The following LRRC37A2 variants were observed in gnomAD, a reference collection of about 807,000 sequenced individuals.
The protein encoded by LRRC37A2 is leucine rich repeat containing 37 member A2.
Under a neutral mutation model 68.8 loss-of-function variants are expected in LRRC37A2, and 9 were observed. That is an observed-to-expected ratio of 0.13 (90% CI 0.08 to 0.23). The LOEUF (loss-of-function observed/expected upper bound fraction) is 0.23. Ranked by LOEUF, LRRC37A2 falls within the 10% of genes least tolerant of loss-of-function variation. The probability of loss-of-function intolerance (pLI) is 1.00; values close to 1 mark genes in which losing one functional copy is unlikely to be tolerated. For missense variants in LRRC37A2, 168 were observed against 950.4 expected, an observed-to-expected ratio of 0.18 and a Z score of 10.82; for synonymous variants, 63 against 367.6, an observed-to-expected ratio of 0.17 and a Z score of 9.48.
rs542986463 is a variant in LRRC37A2, at chr17:46,548,908, T to C, written c.3769T>C (p.Ser1257Pro). The C allele has an allele frequency of 2.2e-5, 35 of 1,612,688 alleles. 2 individuals are homozygous for C. In the East Asian group the frequency reaches 7.8e-4, roughly 36 times the overall value. ...GAAACCCTTCTCCAAGGGCGCGCCT[T>C]CTACCTCCAGCCCTGCAAAAGCCCT... The change falls in exon 10 of 15, where the codon TCT (serine) becomes CCT (proline). Residue 1257 changes from serine (S) to proline (P), a missense_variant. Coordinates refer to ENST00000576629, the Ensembl canonical transcript of LRRC37A2.
the LRRC37A2 span, among the ~76,000 whole-genome samples, chr17:46,779,338 C>T: frequency 6.6e-6 from 1 of 152,172 alleles, no homozygotes. Flanking sequence ...TAGAGACCTG[C>T]CTGGCACTGA....
chr17:46,721,960 C>T, the LRRC37A2 span: 1 of 1,603,946 alleles, frequency 6.2e-7, no homozygotes, highest in African/African-American at 1.3e-5. Flanking sequence ...GGAAAGATTT[C>T]AGTTGAGGAA....
the LRRC37A2 span, among the ~76,000 whole-genome samples, chr17:46,493,006 T>G: frequency 6.7e-6 from 1 of 149,096 alleles, no homozygotes; most frequent in African/African-American, 2.6e-5. Flanking sequence ...AAGTTTTTTT[T>G]TTTTTTTTTT....
At chr17:46,954,038 G>T in the LRRC37A2 span, among the ~76,000 whole-genome samples, 1 of 152,124 alleles carries the variant, frequency 6.6e-6, no homozygotes, top group African/African-American at 2.4e-5. Flanking sequence ...TCTTTAGTTT[G>T]ATTAGATCCC....
the LRRC37A2 span, among the ~76,000 whole-genome samples, chr17:46,710,530 T>C: frequency 1.3e-5 from 2 of 152,252 alleles, no homozygotes; most frequent in Admixed American, 1.3e-4. Context: ...TACCATTTCG[T>C]ATTCTCATGT....
the LRRC37A2 span, among the ~76,000 whole-genome samples, chr17:46,739,842 G>C: frequency 2.0e-5 from 3 of 151,878 alleles, no homozygotes; most frequent in Admixed American, 6.6e-5. Context: ...GGGACTACAG[G>C]CGCACACCAC....
the LRRC37A2 span, chr17:46,923,173 T>G: frequency 6.6e-7 from 1 of 1,510,626 alleles, no homozygotes; most frequent in Non-Finnish European, 9.0e-7. Context: ...GCCGGAGCCG[T>G]GGCCTGCGGG....
the LRRC37A2 span, among the ~76,000 whole-genome samples, chr17:46,732,658 ACAT>A: frequency 2.6e-5 from 4 of 152,184 alleles, no homozygotes; most frequent in African/African-American, 9.7e-5. Context: ...AGAGTGAAAA[ACAT>A]CATCACATTT....
the LRRC37A2 span, among the ~76,000 whole-genome samples, chr17:46,834,084 A>C: frequency 6.6e-6 from 1 of 152,070 alleles, no homozygotes; most frequent in Non-Finnish European, 1.5e-5. Flanking sequence ...AGTCTCAGCT[A>C]CTCGGGAGGC....
the LRRC37A2 span, among the ~76,000 whole-genome samples, chr17:46,496,704 C>T: frequency 3.0e-5 from 4 of 132,802 alleles, no homozygotes; most frequent in African/African-American, 1.2e-4. Flanking sequence ...CACCTGAGGT[C>T]GGGAGTTCGA....
chr17:46,635,818 T>TGTGTGTGTGTGTGC, the LRRC37A2 span, among the ~76,000 whole-genome samples: 8 of 138,406 alleles, frequency 5.8e-5, no homozygotes, highest in East Asian at 7.8e-4. Flanking sequence ...TGTGTGTGTG[T>TGTGTGTGTGTGTGC]GCTCGTGTGT....
chr17:46,809,056 G>A, the LRRC37A2 span, among the ~76,000 whole-genome samples: 1 of 152,170 alleles, frequency 6.6e-6, no homozygotes, highest in Non-Finnish European at 1.5e-5. Flanking sequence ...GAGAGGAGGT[G>A]GAAGTATTTC....
chr17:46,755,724 T>C, the LRRC37A2 span: 1 of 282,766 alleles, frequency 3.5e-6, no homozygotes, highest in African/African-American at 5.1e-5. Context: ...TTTTAGTGAT[T>C]TTTTTTTTTT....
the LRRC37A2 span, among the ~76,000 whole-genome samples, chr17:46,733,058 A>G: frequency 2.0e-5 from 3 of 152,312 alleles, no homozygotes; most frequent in South Asian, 2.1e-4. Flanking sequence ...TGGACGTACA[A>G]TTTGTCCAGT....
chr17:46,917,482 G>T, the LRRC37A2 span, among the ~76,000 whole-genome samples: 1 of 152,208 alleles, frequency 6.6e-6, no homozygotes, highest in African/African-American at 2.4e-5. Context: ...CATGCTGGGA[G>T]GCTGGTTCCC....
chr17:46,774,955 C>T, the LRRC37A2 span, among the ~76,000 whole-genome samples: 40 of 152,202 alleles, frequency 2.6e-4, 1 homozygote, highest in Admixed American at 6.5e-5. Context: ...TCTCCTCTCC[C>T]TCTGTGTCCA....
chr17:46,824,991 C>T, the LRRC37A2 span, among the ~76,000 whole-genome samples: 8 of 152,224 alleles, frequency 5.3e-5, no homozygotes, highest in African/African-American at 9.6e-5. Flanking sequence ...GGTGGCCCCT[C>T]GTGCTGCCTC....
At chr17:46,952,486 C>T in the LRRC37A2 span, among the ~76,000 whole-genome samples, 2 of 152,306 alleles carry the variant, frequency 1.3e-5, no homozygotes, top group Middle Eastern at 3.4e-3. Context: ...GATATTTGTG[C>T]CTCTAGACTT....
chr17:47,022,166 C>CTTTTTTTTTTTTTT, the LRRC37A2 span, among the ~76,000 whole-genome samples: 72 of 15,856 alleles, frequency 4.5e-3, 21 homozygotes, highest in East Asian at 0.022. Context: ...CCTTTTTGTT[C>CTTTTTTTTTTTTTT]TCTTTTTTTT....
Sources: gnomAD v4.1 joint callset for allele counts (sites outside exome capture counted in the v4.1 genomes callset) on GRCh38, gnomAD v4.1.1 for gene constraint, MANE v1.5 for transcripts, NCBI Gene and HGNC (gene_info 2026-07-23, HGNC 2026-07-21) for gene names.